The following MTMR3 variants were observed in gnomAD, a reference collection of about 807,000 sequenced individuals.
MTMR3 encodes the protein myotubularin related protein 3.
Under a neutral mutation model 132.4 loss-of-function variants are expected in MTMR3, and 32 were observed. The ratio of observed to expected loss-of-function variants is 0.24; its 90% CI spans 0.18 to 0.32. The LOEUF (loss-of-function observed/expected upper bound fraction) is 0.32, where lower values mean the gene tolerates loss of function less well. Ranked by LOEUF, MTMR3 falls within the 10% of genes least tolerant of loss-of-function variation. The pLI, the probability that MTMR3 is intolerant of heterozygous loss-of-function variation, is 1.00. For synonymous variants in MTMR3, 556 were observed against 550.3 expected, an observed-to-expected ratio of 1.01 and a Z score of -0.14; for missense variants, 1,216 against 1,489.6, an observed-to-expected ratio of 0.82 and a Z score of 3.02.
At chr22:29,906,340 C>CT (rs2065103309) in intron 1 of MTMR3, among the ~76,000 whole-genome samples, 2 of 150,294 alleles carry the variant, frequency 1.3e-5, no homozygotes, top group Non-Finnish European at 2.9e-5. Context: ...ATCTGTCTAT[C>CT]TATCTATCTA....
intron 3 of MTMR3, among the ~76,000 whole-genome samples, chr22:29,976,534 G>A (rs1415872942): frequency 1.3e-5 from 2 of 152,154 alleles, no homozygotes; most frequent in Non-Finnish European, 2.9e-5. Flanking sequence ...TTCTACTTAA[G>A]GGTCAGGATT....
chr22:30,016,751 G>A, intron 15 of MTMR3, 53 bp downstream of exon 15: 2 of 1,557,482 alleles, frequency 1.3e-6, no homozygotes, highest in Non-Finnish European at 1.7e-6. Context: ...TTTGGGGTTG[G>A]TTACATATGA....
intron 1 of MTMR3, among the ~76,000 whole-genome samples, chr22:29,914,802 G>C (rs917057374): frequency 4.6e-5 from 7 of 152,176 alleles, no homozygotes; most frequent in Non-Finnish European, 1.0e-4. Flanking sequence ...TATATACTGT[G>C]AATATCTGAG....
intron 2 of MTMR3, among the ~76,000 whole-genome samples, chr22:29,957,415 GTATTTATTTATTTATTTATTTATTTATT>G (rs59964116): frequency 6.8e-6 from 1 of 147,028 alleles, no homozygotes; most frequent in Non-Finnish European, 1.5e-5. Context: ...ATCTCCAGTT[GTATTTATTTATTTATTTATTTATTTATT>G]TATTTATTTA....
chr22:29,953,913 G>A (rs2066131062), intron 1 of MTMR3, among the ~76,000 whole-genome samples: 1 of 152,012 alleles, frequency 6.6e-6, no homozygotes, highest in Non-Finnish European at 1.5e-5. Flanking sequence ...CTACTAATAC[G>A]TGAATGTTCA....
At chr22:29,904,535 C>T (rs1196503826) in intron 1 of MTMR3, among the ~76,000 whole-genome samples, 1 of 152,148 alleles carries the variant, frequency 6.6e-6, no homozygotes, top group African/African-American at 2.4e-5. Context: ...TAAAATGGGG[C>T]TAACAATAAT....
In MTMR3 at chr22:30,019,941, T is replaced by A. The variant is rs2067703107; in HGVS notation, c.2282T>A (p.Phe761Tyr). The change falls in exon 17 of 20, where the codon TTC becomes TAC. Residue 761 changes from phenylalanine (F) to tyrosine (Y), a missense_variant. Physicochemically the swap from Phe to Tyr is conservative, Grantham distance 22. Around this residue, in one of 7 missense-constraint regions of MTMR3, gnomAD observed 852 missense variants for 852.0 expected, o/e 1.00. Coordinates refer to ENST00000401950, the MANE Select transcript of MTMR3 (RefSeq NM_021090.4). ...CATCTGGATATGAGCTGGCCTCTGT[T>A]CTCACAGGGCATTTCTGAACAGCAG... Reference protein sequence around the residue: ...RSHLDMSWPLFSQGISEQQSG... With the variant: ...RSHLDMSWPLYSQGISEQQSG... 6.2e-7 allele frequency: 1 copy of A among 1,614,084 alleles called. No homozygotes were observed. The highest frequency in any genetic ancestry group is 8.5e-7 in the Non-Finnish European group (1 of 1,180,042).
At chr22:30,003,529 G>C (rs1331332442) in intron 9 of MTMR3, 1 of 152,170 alleles carries the variant, frequency 6.6e-6, no homozygotes, top group African/African-American at 2.4e-5. Flanking sequence ...GATGGGGATG[G>C]TGGCATGGTG....
At chr22:29,908,133 T>C (rs1385688380) in intron 1 of MTMR3, among the ~76,000 whole-genome samples, 2 of 152,014 alleles carry the variant, frequency 1.3e-5, no homozygotes, top group African/African-American at 2.4e-5. Flanking sequence ...TTGTAAAACC[T>C]GGGGGTGGGA....
At chr22:29,897,608 A>T (rs928340878) in intron 1 of MTMR3, among the ~76,000 whole-genome samples, 8 of 151,492 alleles carry the variant, frequency 5.3e-5, no homozygotes, top group African/African-American at 1.9e-4. Flanking sequence ...GCTCGTCACC[A>T]TGCCCGGCTA....
chr22:29,978,493 C>T lies in MTMR3; in HGVS notation c.55C>T (p.Pro19Ser). The change falls in exon 4 of 20, where the codon CCC (proline) becomes TCC (serine). Residue 19 changes from proline (P) to serine (S), a missense_variant. By Grantham distance (74) the Pro-to-Ser change is moderately conservative. Coordinates refer to ENST00000401950, the MANE Select transcript of MTMR3 (RefSeq NM_021090.4). Reference sequence around the variant, plus strand: ...GTGCATCCAGGCCAATCAGATCTTTCCCAGGAAGCAGCTGATCCGGGAGGA... The same window carrying T: ...GTGCATCCAGGCCAATCAGATCTTTTCCAGGAAGCAGCTGATCCGGGAGGA... ...LECIQANQIF[P>S]RKQLIREDEN... 1 of 1,613,756 alleles carries T rather than the reference C, an allele frequency of 6.2e-7. No homozygotes were observed. The highest frequency in any genetic ancestry group is 8.5e-7 in the Non-Finnish European group (1 of 1,179,784).
chr22:29,969,530 T>G (rs2066492113), intron 2 of MTMR3, among the ~76,000 whole-genome samples: 1 of 151,382 alleles, frequency 6.6e-6, no homozygotes, highest in South Asian at 2.1e-4. Context: ...CTTTTTTTTG[T>G]TTTTTTGGTT....
chr22:29,998,025 C>A (rs1294728426), intron 7 of MTMR3: 2 of 152,172 alleles, frequency 1.3e-5, no homozygotes, highest in Non-Finnish European at 2.9e-5. Context: ...TGTATTGCTA[C>A]TCGTGGTGAT....
intron 7 of MTMR3, chr22:29,996,715 CGTTTT>C (rs756642906): frequency 5.9e-5 from 9 of 151,588 alleles, no homozygotes; most frequent in Non-Finnish European, 1.2e-4. Flanking sequence ...TTTTTTTGTT[CGTTTT>C]GTTTTGTTTT....
intron 1 of MTMR3, among the ~76,000 whole-genome samples, chr22:29,916,870 C>T (rs1222528365): frequency 6.6e-6 from 1 of 152,066 alleles, no homozygotes; most frequent in Non-Finnish European, 1.5e-5. Context: ...GTTAATAGTA[C>T]CCTGGATCTG....
At chr22:29,925,493 T>C (rs1250270602) in intron 1 of MTMR3, among the ~76,000 whole-genome samples, 2 of 151,564 alleles carry the variant, frequency 1.3e-5, no homozygotes, top group Non-Finnish European at 2.9e-5. Context: ...GTAAATTTCA[T>C]TTTAAAAAGA....
chr22:30,019,365 A>G (rs2067688040), intron 16 of MTMR3, 115 bp from the exon 17 acceptor site: 3 of 953,766 alleles, frequency 3.1e-6, no homozygotes, highest in Admixed American at 5.4e-5. Flanking sequence ...CTACAGCTCC[A>G]TGAGTAGCCA....
chr22:29,997,239 C>T (rs1467666321), intron 7 of MTMR3: 4 of 152,084 alleles, frequency 2.6e-5, no homozygotes, highest in African/African-American at 9.7e-5. Flanking sequence ...TGTATAATAC[C>T]TAGCTTGAGC....
chr22:29,934,656 T>C (rs772463074), intron 1 of MTMR3, among the ~76,000 whole-genome samples: 74 of 152,310 alleles, frequency 4.9e-4, no homozygotes, highest in Non-Finnish European at 9.0e-4. Context: ...GGCATGCAGG[T>C]TGATCTTGTC....
Sources: gnomAD v4.1 joint callset for allele counts (sites outside exome capture counted in the v4.1 genomes callset) on GRCh38, gnomAD v4.1.1 for gene constraint, gnomAD v4.1.1 regional missense constraint, MANE v1.5 for transcripts, NCBI Gene and HGNC (gene_info 2026-07-23, HGNC 2026-07-21) for gene names.